The following SETX variants were observed in gnomAD, a reference collection of about 807,000 sequenced individuals.
SETX encodes helicase senataxin.
A neutral mutation model predicts 227.2 loss-of-function variants in SETX; 90 were observed. That is an observed-to-expected ratio of 0.40 (90% confidence interval 0.33 to 0.47). SETX has a LOEUF of 0.47. SETX is among the 20% of genes least tolerant of loss of function. The pLI is 0.91. For synonymous variants in SETX, 1,210 were observed against 1,113.2 expected, an observed-to-expected ratio of 1.09 and a Z score of -1.73; for missense variants, 3,052 against 3,181.5, an observed-to-expected ratio of 0.96 and a Z score of 0.98.
intron 10 of SETX, among the ~76,000 whole-genome samples, chr9:132,325,319 G>A (rs1442778432): frequency 6.6e-6 from 1 of 152,016 alleles, no homozygotes; most frequent in South Asian, 2.1e-4. Context: ...TTGCACCACT[G>A]CACTCCAGCC....
At chr9:132,273,296 G>T (rs1842987158) in intron 23 of SETX, among the ~76,000 whole-genome samples, 2 of 152,034 alleles carry the variant, frequency 1.3e-5, no homozygotes, top group Admixed American at 1.3e-4. Flanking sequence ...CAGAGTAGTT[G>T]GGATTACAGG....
At chr9:132,284,309 G>C (rs1843711861) in intron 18 of SETX, among the ~76,000 whole-genome samples, 1 of 152,144 alleles carries the variant, frequency 6.6e-6, no homozygotes, top group Non-Finnish European at 1.5e-5. Context: ...GATTAATCTG[G>C]GGTTCTGTTT....
intron 16 of SETX, 74 bp from the exon 17 acceptor site, chr9:132,288,425 G>C: frequency 7.0e-7 from 1 of 1,421,618 alleles, no homozygotes. Context: ...ACAACACAAT[G>C]AGAAGGAAAA....
At chr9:132,278,305 C>T in intron 20 of SETX, 48 bp from the exon 21 acceptor site, 1 of 1,580,294 alleles carries the variant, frequency 6.3e-7, no homozygotes, top group Non-Finnish European at 8.7e-7. Context: ...TCATTTATAT[C>T]TTTCCCACTA....
intron 12 of SETX, among the ~76,000 whole-genome samples, chr9:132,300,089 C>T (rs1163869522): frequency 7.4e-6 from 1 of 135,424 alleles, no homozygotes; most frequent in African/African-American, 2.8e-5. Context: ...GATACAGCAC[C>T]ACTGCACTCT....
intron 11 of SETX, among the ~76,000 whole-genome samples, chr9:132,305,559 G>T (rs1428708719): frequency 2.0e-5 from 3 of 152,086 alleles, no homozygotes; most frequent in African/African-American, 7.2e-5. Context: ...TCAACGTCAT[G>T]TACCTCCCAA....
chr9:132,337,192 G>A (rs1296437639), intron 5 of SETX, among the ~76,000 whole-genome samples: 4 of 151,862 alleles, frequency 2.6e-5, no homozygotes, highest in African/African-American at 9.7e-5. Context: ...AATCTAAAGG[G>A]GAGTGGAATG....
At chr9:132,273,163 G>GTT (rs144496199) in intron 23 of SETX, among the ~76,000 whole-genome samples, 10,766 of 150,940 alleles carry the variant, frequency 0.071, 742 homozygotes, top group East Asian at 0.37. Context: ...TTATTTAGGT[G>GTT]GTTTTTTTTT....
At chr9:132,339,194 C>T (rs1414562488) in intron 5 of SETX, among the ~76,000 whole-genome samples, 2 of 152,098 alleles carry the variant, frequency 1.3e-5, no homozygotes, top group Non-Finnish European at 2.9e-5. Context: ...CTATAAAACC[C>T]TTCCTCAGGC....
intron 4 of SETX, 97 bp from the exon 5 acceptor site, chr9:132,342,896 T>C (rs1477184554): frequency 2.1e-6 from 2 of 948,748 alleles, no homozygotes; most frequent in African/African-American, 3.3e-5. Context: ...TAAATAAAAA[T>C]TTGCTTTTTA....
Position 132,328,390 on chromosome 9 carries a change from G to C in SETX, c.3208C>G (p.Leu1070Val), listed in dbSNP as rs931570379. ...GAATCAGATTCCTCAAACTGAAAAA[G>C]AGTCTCTGTCTTTTCTTCCTTTACT... Reference protein sequence around the residue: ...NPVKEEKTETLFQFEESDSQC... With the variant: ...NPVKEEKTETVFQFEESDSQC... The change falls in exon 10 of 26, where the codon CTT becomes GTT. Residue 1070 changes from leucine (L) to valine (V), a missense_variant. Physicochemically the swap from Leu to Val is conservative, Grantham distance 32. Around this residue, in one of 10 missense-constraint regions of SETX, gnomAD observed 1,483 missense variants for 1,312.0 expected, o/e 1.13. Transcript: ENST00000224140. 5.6e-6 allele frequency: 9 copies of C among 1,613,974 alleles called. No homozygotes were observed. The highest frequency in any genetic ancestry group is 7.6e-6 in the Non-Finnish European group (9 of 1,180,006).
intron 6 of SETX, among the ~76,000 whole-genome samples, 163 bp downstream of exon 6, chr9:132,336,133 C>T (rs1350249980): frequency 6.6e-6 from 1 of 152,154 alleles, no homozygotes; most frequent in Non-Finnish European, 1.5e-5. Flanking sequence ...ATCACAGCTA[C>T]TCGGGAGGCT....
Position 132,264,783 on chromosome 9 carries a change from C to T in SETX, c.7490G>A (p.Ser2497Asn), listed in dbSNP as rs61735488. ...QGGLPSSKLD[S>N]GFAKTSVAAS... ...AGCAACAGATGTCTTGGCAAATCCA[C>T]TGTCTAGCTTGCTGCTGGGCAAACC... The change falls in exon 26 of 26, where the codon AGT (serine) becomes AAT (asparagine). Residue 2497 changes from serine (S) to asparagine (N), a missense_variant. Ser to Asn is a conservative substitution (Grantham distance 46). Around this residue, in one of 10 missense-constraint regions of SETX, gnomAD observed 294 missense variants for 278.8 expected, o/e 1.05. Coordinates refer to ENST00000224140, the MANE Select transcript of SETX (RefSeq NM_015046.7). 1.5e-4 allele frequency: 235 copies of T among 1,614,092 alleles called. No individual in the cohort carries two copies. Among genetic ancestry groups the T allele is most frequent in the Admixed American group, 4.8e-4 (29 of 60,004 alleles).
chr9:132,283,235 C>G, intron 19 of SETX, 29 bp downstream of exon 19: 1 of 1,613,876 alleles, frequency 6.2e-7, no homozygotes, highest in Non-Finnish European at 8.5e-7. Context: ...TAGTAGTAGT[C>G]AAAGTTGTAT....
In SETX at chr9:132,331,064, T is replaced by G. The variant is rs768198537; in HGVS notation, c.1086A>C (p.Glu362Asp). ...AAGTGTTTTATACCTTTTTGGTCTT[T>G]TCAGGATTATAATTGTATACGATCT... ...CSQIVYNYNP[E>D]KTKKDSGWRT... is the part of the protein sequence containing the mutation. The change falls in exon 9 of 26, where the codon GAA becomes GAC. Residue 362 changes from glutamate to aspartate, a missense_variant. Glu to Asp is a conservative substitution (Grantham distance 45). Transcript: ENST00000224140. 5.0e-6 allele frequency: 8 copies of G among 1,611,646 alleles called. No individual in the cohort carries two copies. The South Asian group carries it at 8.8e-5, about 18-fold the overall frequency.
At chr9:132,339,780 T>C (rs1033930972) in intron 5 of SETX, among the ~76,000 whole-genome samples, 6 of 151,988 alleles carry the variant, frequency 3.9e-5, no homozygotes, top group Admixed American at 1.3e-4. Flanking sequence ...ACCTGCCTAA[T>C]TTTTTTGTAT....
intron 10 of SETX, among the ~76,000 whole-genome samples, chr9:132,322,373 C>G (rs896193343): frequency 1.3e-5 from 2 of 152,130 alleles, no homozygotes; most frequent in Non-Finnish European, 2.9e-5. Flanking sequence ...CTGTACCTAT[C>G]AGCAATCCCA....
intron 5 of SETX, among the ~76,000 whole-genome samples, chr9:132,341,095 T>C (rs1358453329): frequency 6.6e-6 from 1 of 152,070 alleles, no homozygotes; most frequent in African/African-American, 2.4e-5. Context: ...ACCTGTTATC[T>C]CAGCACTTTG....
chr9:132,326,131 G>A (rs1026444135), intron 10 of SETX, among the ~76,000 whole-genome samples, 193 bp downstream of exon 10: 15 of 151,460 alleles, frequency 9.9e-5, no homozygotes, highest in South Asian at 2.1e-4. Context: ...GCAGTGGCGC[G>A]ACCTCGGCTC....
Sources: gnomAD v4.1 joint callset for allele counts (sites outside exome capture counted in the v4.1 genomes callset) on GRCh38, gnomAD v4.1.1 for gene constraint, gnomAD v4.1.1 regional missense constraint, MANE v1.5 for transcripts, NCBI Gene and HGNC (gene_info 2026-07-23, HGNC 2026-07-21) for gene names.